The following FBXL17 variants were observed in gnomAD, a reference collection of about 807,000 sequenced individuals.
FBXL17 encodes F-box and leucine rich repeat protein 17.
A neutral mutation model predicts 66.2 loss-of-function variants in FBXL17; 22 were observed. The ratio of observed to expected loss-of-function variants is 0.33; its 90% CI spans 0.24 to 0.47. The LOEUF (loss-of-function observed/expected upper bound fraction) is 0.47, where lower values mean the gene tolerates loss of function less well. Among genes scored for constraint, FBXL17 ranks in the 20% least tolerant of loss-of-function variants. The probability of loss-of-function intolerance (pLI) is 1.00; values close to 1 mark genes in which losing one functional copy is unlikely to be tolerated. For missense variants in FBXL17, 878 were observed against 948.2 expected (o/e 0.93, Z 0.97); for synonymous variants, 474 against 400.5 (o/e 1.18, Z -2.19).
At chr5:108,355,195 T>TAC (rs1053344725) in intron 3 of FBXL17, among the ~76,000 whole-genome samples, 1 of 151,956 alleles carries the variant, frequency 6.6e-6, no homozygotes, top group African/African-American at 2.4e-5. Flanking sequence ...TTTCATCATA[T>TAC]ACACACACAT....
At chr5:108,145,427 C>A (rs565213824) in intron 6 of FBXL17, among the ~76,000 whole-genome samples, 1 of 152,252 alleles carries the variant, frequency 6.6e-6, no homozygotes, top group African/African-American at 2.4e-5. Context: ...AAATCCAACA[C>A]CAGATAGGTA....
At chr5:108,367,713 T>C (rs1398130068) in intron 2 of FBXL17, 118 bp downstream of exon 2, 21 of 831,386 alleles carry the variant, frequency 2.5e-5, no homozygotes, top group Non-Finnish European at 3.6e-5. Context: ...CACAAAATTG[T>C]AGATTACAGT....
chr5:107,929,519 A>G lies in FBXL17; in HGVS notation c.1823-48340T>C, dbSNP rs148978063. ...AAAAATACTTAAGCACACACATAAT[A>G]TATGTAATTTATTCTGGTATTGAGA... is the stretch of plus-strand genomic sequence containing the variant. On this transcript the variant is annotated intron_variant, in intron 7 of 8. Coordinates refer to ENST00000542267, the MANE Select transcript of FBXL17 (RefSeq NM_001163315.3). Among the ~76,000 whole-genome samples the G allele has an allele frequency of 1.5e-3, 236 of 152,316 alleles. 1 individual carries two copies. The highest frequency in any genetic ancestry group is 5.6e-3 in the African/African-American group (231 of 41,576).
intron 7 of FBXL17, among the ~76,000 whole-genome samples, chr5:107,978,148 T>A (rs1014665363): frequency 2.0e-5 from 3 of 152,224 alleles, no homozygotes; most frequent in Non-Finnish European, 2.9e-5. Context: ...GGACTGAAAC[T>A]GCCTTTGCAA....
At chr5:108,312,226 T>C (rs1478261659) in intron 4 of FBXL17, among the ~76,000 whole-genome samples, 2 of 152,152 alleles carry the variant, frequency 1.3e-5, no homozygotes, top group East Asian at 3.9e-4. Flanking sequence ...TAAGCATCCC[T>C]AGTCTCTCTC....
At chr5:108,079,708 G>C (rs994860759) in intron 6 of FBXL17, among the ~76,000 whole-genome samples, 7 of 152,142 alleles carry the variant, frequency 4.6e-5, no homozygotes, top group African/African-American at 1.7e-4. Context: ...TGGTTATTTT[G>C]TGGGTGCCAG....
chr5:107,931,152 T>C (rs1456358434), intron 7 of FBXL17, among the ~76,000 whole-genome samples: 5 of 152,184 alleles, frequency 3.3e-5, no homozygotes, highest in African/African-American at 7.2e-5. Context: ...CCAGTTTGTA[T>C]GTACTGTTGG....
rs1748087345 is a variant in FBXL17 at position 107,860,310 on chromosome 5, A to G, written c.*1410T>C. On this transcript the variant is annotated 3_prime_UTR_variant, in exon 9 of 9. Transcript: ENST00000542267. The stretch of plus-strand genomic sequence containing the variant: ...TCAGGGAAAAATAAATAGCAACTTC[A>G]CAAGTTAGGGTTTTGTTTCTAGTTC... The G allele has an allele frequency of 6.6e-6, 1 of 152,628 alleles. No homozygotes were observed. The highest frequency in any genetic ancestry group is 2.4e-5 in the African/African-American group (1 of 41,454). 9.5% of individuals were successfully genotyped at this position (152,628 alleles called of 1,614,324 possible).
At chr5:108,306,161 G>GA (rs1003718667) in intron 4 of FBXL17, among the ~76,000 whole-genome samples, 21 of 151,832 alleles carry the variant, frequency 1.4e-4, no homozygotes, top group Non-Finnish European at 2.5e-4. Flanking sequence ...ACATTTTCTT[G>GA]AAAAAACATA....
At chr5:107,879,753 A>G (rs553080998) in intron 8 of FBXL17, 1 of 985,448 alleles carries the variant, frequency 1.0e-6, no homozygotes, top group South Asian at 4.7e-5. Context: ...CACCATTTAC[A>G]AAAGTAGCAC....
At chr5:107,910,895 G>C (rs556690212) in intron 7 of FBXL17, among the ~76,000 whole-genome samples, 1 of 151,996 alleles carries the variant, frequency 6.6e-6, no homozygotes, top group Non-Finnish European at 1.5e-5. Context: ...GGACATTAAG[G>C]AAGACCTGAA....
chr5:108,381,020 G>A lies in FBXL17; in HGVS notation c.672C>T (p.Gly224=), dbSNP rs1299901202. 4 of 1,186,074 alleles carry A rather than the reference G, an allele frequency of 3.4e-6. No homozygotes were observed. The highest frequency in any genetic ancestry group is 4.5e-5 in the Admixed American group (1 of 22,038). The allele number at this position is 1,186,074 out of a possible 1,614,324, so 73.5% of individuals were successfully genotyped here. A position where few individuals can be genotyped will look rare whatever the true frequency, so the allele number is the denominator to read the frequency against. ...CAGGCCCTCCCCCGCCACCGCCGCC[G>A]CCGCCGCCGCCGCAGCCCCCGCCGC... ...RCGGGGCGGG[G]GGGGGGGPAG... The change falls in exon 1 of 9, where the codon GGC becomes GGT. Residue 224 remains glycine (G), a synonymous_variant. Coordinates refer to ENST00000542267, the MANE Select transcript of FBXL17 (RefSeq NM_001163315.3).
chr5:108,299,295 C>G lies in FBXL17; in HGVS notation c.1506+49104G>C, dbSNP rs987056889. The G allele has an allele frequency of 4.1e-6, 4 of 984,522 alleles. No individual in the cohort carries two copies. The African/African-American group carries it at 7.0e-5, about 17-fold the overall frequency. The allele number at this position is 984,522 out of a possible 1,614,324, so 61.0% of individuals were successfully genotyped here. A position where few individuals can be genotyped will look rare whatever the true frequency, so the allele number is the denominator to read the frequency against. On this transcript the variant is annotated intron_variant, in intron 4 of 8. Transcript: ENST00000542267. ...CCTCTCTTCTATTTCCAAATTAAAC[C>G]TGAGGTTCTCACCCACCCATCTCCC...
rs190349471 is a variant in FBXL17, at chr5:108,255,706, T to G, written c.1507-31478A>C. Among the ~76,000 whole-genome samples, 19 of 152,256 alleles carry G rather than the reference T, an allele frequency of 1.2e-4. No homozygotes were observed. The East Asian group carries it at 3.7e-3, about 29-fold the overall frequency. ...TTTCTAACAGGTGATCTGGTTCCTA[T>G]TTCACATAAATATTATATATAGCCT... is the stretch of plus-strand genomic sequence containing the variant. On this transcript the variant is annotated intron_variant, in intron 4 of 8. Coordinates refer to ENST00000542267, the MANE Select transcript of FBXL17 (RefSeq NM_001163315.3).
intron 4 of FBXL17, among the ~76,000 whole-genome samples, chr5:108,232,655 A>C (rs1168703489): frequency 6.6e-6 from 1 of 150,572 alleles, no homozygotes; most frequent in African/African-American, 2.4e-5. Context: ...GATGCTACCT[A>C]CCCTCAAACA....
intron 8 of FBXL17, among the ~76,000 whole-genome samples, chr5:107,862,348 G>A (rs1748147473): frequency 6.6e-6 from 1 of 151,762 alleles, no homozygotes; most frequent in South Asian, 2.1e-4. Context: ...CAAACTTCAA[G>A]TTCCTTTGTG....
intron 7 of FBXL17, among the ~76,000 whole-genome samples, chr5:107,899,494 G>T (rs1749495717): frequency 6.6e-6 from 1 of 152,106 alleles, no homozygotes; most frequent in South Asian, 2.1e-4. Context: ...AACTTTAAAA[G>T]GTGTGATGGC....
At chr5:108,064,646 C>T (rs184083067) in intron 6 of FBXL17, among the ~76,000 whole-genome samples, 1 of 152,308 alleles carries the variant, frequency 6.6e-6, no homozygotes, top group East Asian at 1.9e-4. Context: ...TATAATGTGA[C>T]TTTATAATTT....
intron 7 of FBXL17, among the ~76,000 whole-genome samples, chr5:107,993,546 CAATA>C (rs1176676399): frequency 2.0e-5 from 3 of 152,134 alleles, no homozygotes; most frequent in Admixed American, 6.5e-5. Flanking sequence ...GCTGACTAAG[CAATA>C]AATAGTCTAG....
Sources: gnomAD v4.1 joint callset for allele counts (sites outside exome capture counted in the v4.1 genomes callset) on GRCh38, gnomAD v4.1.1 for gene constraint, MANE v1.5 for transcripts, NCBI Gene and HGNC (gene_info 2026-07-23, HGNC 2026-07-21) for gene names.